The following RIMS2 variants were observed in gnomAD, a reference collection of about 807,000 sequenced individuals.
RIMS2 encodes regulating synaptic membrane exocytosis protein 2.
RIMS2 carries 59 observed loss-of-function variants against 174.4 expected under a neutral mutation model. The observed-to-expected ratio is 0.34, with a 90% CI of 0.27 to 0.42. RIMS2 has a LOEUF of 0.42. Ranked by LOEUF, RIMS2 falls within the 10% of genes least tolerant of loss-of-function variation. RIMS2 has a pLI of 1.00. For synonymous variants in RIMS2, 606 were observed against 572.5 expected, an observed-to-expected ratio of 1.06 and a Z score of -0.84; for missense variants, 1,620 against 1,666.3, an observed-to-expected ratio of 0.97 and a Z score of 0.48.
intron 6 of RIMS2, among the ~76,000 whole-genome samples, chr8:103,913,836 C>A (rs2076180760): frequency 2.0e-5 from 3 of 152,102 alleles, no homozygotes; most frequent in Non-Finnish European, 4.4e-5. Flanking sequence ...AGCACCAAGC[C>A]ACAAGGGATC....
At chr8:103,798,589 T>C (rs1368628543) in intron 3 of RIMS2, among the ~76,000 whole-genome samples, 1 of 152,180 alleles carries the variant, frequency 6.6e-6, no homozygotes, top group African/African-American at 2.4e-5. Context: ...TAAATATATA[T>C]CTTTGCATAA....
At chr8:103,661,352 A>AT (rs1239406641) in intron 1 of RIMS2, among the ~76,000 whole-genome samples, 3 of 151,924 alleles carry the variant, frequency 2.0e-5, no homozygotes, top group Non-Finnish European at 2.9e-5. Flanking sequence ...TGATGTCATT[A>AT]TTTTTTTTCC....
intron 19 of RIMS2, among the ~76,000 whole-genome samples, chr8:104,111,697 C>T (rs542700060): frequency 6.6e-6 from 1 of 152,162 alleles, no homozygotes; most frequent in Non-Finnish European, 1.5e-5. Flanking sequence ...TGAGCCACCG[C>T]ACCCGGCCTC....
chr8:103,651,508 A>G (rs72679432), intron 1 of RIMS2, among the ~76,000 whole-genome samples: 3,296 of 152,276 alleles, frequency 0.022, 46 homozygotes, highest in Non-Finnish European at 0.035. Flanking sequence ...AGTTTTTTCT[A>G]TATGCTATTT....
chr8:103,716,385 T>G (rs1194677796), intron 2 of RIMS2, 65 bp downstream of exon 5: 1 of 152,080 alleles, frequency 6.6e-6, no homozygotes, highest in Non-Finnish European at 1.5e-5. Flanking sequence ...AGTTTTAATT[T>G]TATAGCTATA....
In RIMS2 at chr8:103,967,553, TG is replaced by T. The variant is rs548362636; in HGVS notation, c.2770+6421del. ...TGTCACCCAGGCTGGAATGCAGTGG[TG>T]CAATCTTGGCTCACTGCAACCTCTG... On this transcript the variant is annotated intron_variant, in intron 15 of 23. Transcript: ENST00000504942. Among the ~76,000 whole-genome samples the T allele has an allele frequency of 8.6e-4, 130 of 151,682 alleles. 1 individual carries two copies. Among genetic ancestry groups the T allele is most frequent in the Non-Finnish European group, 1.5e-3 (100 of 67,918 alleles).
chr8:103,525,291 G>T (rs1563639705), intron 1 of RIMS2, among the ~76,000 whole-genome samples: 1 of 152,108 alleles, frequency 6.6e-6, no homozygotes, highest in Non-Finnish European at 1.5e-5. Flanking sequence ...AGCAAAAATG[G>T]CCCCTGTTAA....
chr8:103,841,954 CAAAAAGAAAAAAGAAAAA>C (rs2098942325), intron 3 of RIMS2, among the ~76,000 whole-genome samples: 1 of 141,210 alleles, frequency 7.1e-6, no homozygotes. Context: ...GACTCCGTCT[CAAAAAGAAAAAAGAAAAA>C]AAAAAGAAAA....
At chr8:103,559,354 G>T in intron 1 of RIMS2, 1 of 267,570 alleles carries the variant, frequency 3.7e-6, no homozygotes, top group South Asian at 4.2e-5. Flanking sequence ...TTATGCCCTT[G>T]GTGGTGATCT....
chr8:103,643,633 T>C (rs1223990473), intron 1 of RIMS2, among the ~76,000 whole-genome samples: 3 of 152,126 alleles, frequency 2.0e-5, no homozygotes, highest in Non-Finnish European at 4.4e-5. Flanking sequence ...TCTTTTTTTA[T>C]TTTTTGCTGT....
chr8:104,146,663 A>G (rs1205539116), intron 19 of RIMS2, among the ~76,000 whole-genome samples: 3 of 152,172 alleles, frequency 2.0e-5, no homozygotes, highest in Non-Finnish European at 2.9e-5. Context: ...TTAGTAGATT[A>G]GGTGGTTCTT....
At chr8:103,721,531 T>C (rs977219331) in intron 2 of RIMS2, among the ~76,000 whole-genome samples, 5 of 152,192 alleles carry the variant, frequency 3.3e-5, no homozygotes, top group African/African-American at 1.2e-4. Context: ...AAAATGACTT[T>C]CAGTTTGGCT....
At chr8:104,170,359 T>C (rs192603387) in intron 19 of RIMS2, among the ~76,000 whole-genome samples, 2 of 152,164 alleles carry the variant, frequency 1.3e-5, no homozygotes, top group Admixed American at 1.3e-4. Context: ...CAGCATTAGG[T>C]GCATATAAAT....
intron 3 of RIMS2, among the ~76,000 whole-genome samples, chr8:103,859,781 T>C (rs2099048755): frequency 6.6e-6 from 1 of 152,136 alleles, no homozygotes; most frequent in African/African-American, 2.4e-5. Flanking sequence ...TTACTTGTTA[T>C]GTGGTCTAGC....
chr8:103,744,659 T>C (rs926970596), intron 2 of RIMS2, among the ~76,000 whole-genome samples: 44 of 152,210 alleles, frequency 2.9e-4, no homozygotes, highest in African/African-American at 9.6e-4. Context: ...TGTGCCTCTA[T>C]GCCTAAGGGC....
At chr8:103,993,043 G>A (rs1596566965) in intron 17 of RIMS2, among the ~76,000 whole-genome samples, 1 of 152,170 alleles carries the variant, frequency 6.6e-6, no homozygotes, top group Non-Finnish European at 1.5e-5. Context: ...GAACCCGAGT[G>A]GCAGAGGTTG....
Position 103,680,157 on chromosome 8 carries a change from A to G in RIMS2, c.177-16929A>G, listed in dbSNP as rs115483856. Among the ~76,000 whole-genome samples, 408 of 152,126 alleles carry G rather than the reference A, an allele frequency of 2.7e-3. 4 individuals carry two copies. Among genetic ancestry groups the G allele is most frequent in the African/African-American group, 9.6e-3 (398 of 41,546 alleles). On this transcript the variant is annotated intron_variant, in intron 1 of 23. Coordinates refer to ENST00000504942, the Ensembl canonical transcript of RIMS2. ...TTTTATTTGGAGTTTGGTTGTTATTATCTTGTTATGGAGTAAAGGCAGACA... is the reference window on the plus strand; with the variant it reads ...TTTTATTTGGAGTTTGGTTGTTATTGTCTTGTTATGGAGTAAAGGCAGACA...
At chr8:103,509,701 A>C (rs575378825) in intron 1 of RIMS2, among the ~76,000 whole-genome samples, 9 of 152,106 alleles carry the variant, frequency 5.9e-5, no homozygotes, top group Non-Finnish European at 1.0e-4. Context: ...AGTTATGGAA[A>C]GGGGAAAGTT....
intron 19 of RIMS2, among the ~76,000 whole-genome samples, chr8:104,222,206 T>C (rs2099158536): frequency 6.6e-6 from 1 of 152,210 alleles, no homozygotes; most frequent in African/African-American, 2.4e-5. Context: ...GTCTCTCCCC[T>C]GCAACTAAAA....
Sources: allele counts gnomAD v4.1 joint callset (sites outside exome capture counted in the v4.1 genomes callset), GRCh38; gene constraint gnomAD v4.1.1; transcripts MANE v1.5; gene names NCBI Gene and HGNC (gene_info 2026-07-23, HGNC 2026-07-21).